XRN2: variants seen among roughly 807,000 people sequenced by gnomAD.
The protein encoded by XRN2 is 5'-3' exoribonuclease 2.
In XRN2, 44 loss-of-function variants were observed where a neutral mutation model predicts 138.5. The observed-to-expected ratio is 0.32, with a 90% CI of 0.25 to 0.41. The LOEUF is 0.41. XRN2 is among the 10% of genes least tolerant of loss of function. The pLI is 1.00. For missense variants in XRN2, 937 were observed against 1,169.3 expected (o/e 0.80, Z 2.90); for synonymous variants, 354 against 369.4 (o/e 0.96, Z 0.48).
chr20:21,324,706 T>A (rs2038099145), intron 1 of XRN2, among the ~76,000 whole-genome samples: 1 of 152,190 alleles, frequency 6.6e-6, no homozygotes, highest in Non-Finnish European at 1.5e-5. Flanking sequence ...TGATCATAGC[T>A]CACGGCAGCC....
At chr20:21,308,276 C>G (rs150619128) in intron 1 of XRN2, among the ~76,000 whole-genome samples, 13 of 152,146 alleles carry the variant, frequency 8.5e-5, no homozygotes, top group Non-Finnish European at 1.6e-4. Flanking sequence ...GGGATTGTTT[C>G]CAGTTTTTGG....
intron 20 of XRN2, among the ~76,000 whole-genome samples, chr20:21,352,325 T>C (rs2038519777): frequency 6.6e-6 from 1 of 152,170 alleles, no homozygotes; most frequent in East Asian, 1.9e-4. Flanking sequence ...ATCAACATTA[T>C]ATGTAATTTT....
intron 1 of XRN2, among the ~76,000 whole-genome samples, chr20:21,320,368 C>T (rs568512561): frequency 6.0e-5 from 9 of 150,444 alleles, no homozygotes; most frequent in South Asian, 4.2e-4. Flanking sequence ...GGCACGATCT[C>T]GGCTTACTGC....
chr20:21,308,736 A>G (rs2037837714), intron 1 of XRN2, among the ~76,000 whole-genome samples: 1 of 152,214 alleles, frequency 6.6e-6, no homozygotes. Context: ...AGTTTGATAT[A>G]TCTTTTGCAA....
intron 27 of XRN2, 57 bp downstream of exon 27, chr20:21,368,647 T>C (rs2038729880): frequency 6.3e-7 from 1 of 1,597,134 alleles, no homozygotes; most frequent in African/African-American, 1.3e-5. Context: ...CAGCAAATGT[T>C]GGTTTCTAAT....
chr20:21,361,441 G>A (rs1255348464), intron 24 of XRN2, among the ~76,000 whole-genome samples: 3 of 152,166 alleles, frequency 2.0e-5, no homozygotes, highest in African/African-American at 7.2e-5. Context: ...TGAAAATACT[G>A]TTGTTTAAAA....
rs201413659 is a variant in XRN2, at chr20:21,349,465, A to G, written c.1936+4A>G. ...GGGAAGAAATATGCATGGCAAGGTAAAATTTAGACGTTCTTTTCTGGTAAA... is the reference window on the plus strand; with the variant it reads ...GGGAAGAAATATGCATGGCAAGGTAGAATTTAGACGTTCTTTTCTGGTAAA... On this transcript the variant is annotated splice_donor_region_variant and intron_variant, in intron 20 of 29. Transcript: ENST00000377191. The G allele has an allele frequency of 1.9e-6, 3 of 1,593,718 alleles. No individual in the cohort carries two copies. In the South Asian group the frequency reaches 3.3e-5, roughly 18 times the overall value.
In XRN2 at chr20:21,333,019, G is replaced by C. The variant is rs140632060; in HGVS notation, c.859-525G>C. ...GCCTCTTGAGTCATATGCTTTTTGA[G>C]GGGGGAAAAAGAATATGGTGCCTCT... On this transcript the variant is annotated intron_variant, in intron 9 of 29. Coordinates refer to ENST00000377191, the MANE Select transcript of XRN2 (RefSeq NM_012255.5). Among the ~76,000 whole-genome samples, 880 of 152,154 alleles carry C rather than the reference G, an allele frequency of 5.8e-3. 4 individuals are homozygous for C. The highest frequency in any genetic ancestry group is 9.5e-3 in the Non-Finnish European group (647 of 67,988).
At chr20:21,382,147 T>A in intron 28 of XRN2, 90 bp downstream of exon 28, 1 of 1,109,198 alleles carries the variant, frequency 9.0e-7, no homozygotes, top group Non-Finnish European at 1.3e-6. Context: ...ACCTCTGTGG[T>A]TTGAAATGTA....
At chr20:21,367,137 AAT>A (rs1379827246) in intron 26 of XRN2, among the ~76,000 whole-genome samples, 1 of 152,098 alleles carries the variant, frequency 6.6e-6, no homozygotes, top group Admixed American at 6.6e-5. Flanking sequence ...ATTATCTTTT[AAT>A]ATGTTTATTA....
intron 4 of XRN2, among the ~76,000 whole-genome samples, chr20:21,330,178 G>A (rs2038186949): frequency 6.6e-6 from 1 of 152,088 alleles, no homozygotes; most frequent in South Asian, 2.1e-4. Flanking sequence ...AGCTTCTCAG[G>A]AGGCTGAGAC....
At chr20:21,312,452 T>C (rs865838293) in intron 1 of XRN2, among the ~76,000 whole-genome samples, 2 of 152,154 alleles carry the variant, frequency 1.3e-5, no homozygotes, top group African/African-American at 4.8e-5. Flanking sequence ...AAGAACTCTT[T>C]ACTGATTCAG....
intron 1 of XRN2, among the ~76,000 whole-genome samples, chr20:21,313,250 A>G (rs2037908714): frequency 6.6e-6 from 1 of 152,204 alleles, no homozygotes; most frequent in Non-Finnish European, 1.5e-5. Context: ...ACACTACGCT[A>G]CACTGTGCTG....
chr20:21,308,250 A>G (rs1050207767), intron 1 of XRN2, among the ~76,000 whole-genome samples: 2 of 152,116 alleles, frequency 1.3e-5, no homozygotes, highest in Admixed American at 1.3e-4. Context: ...ATTTATTCAG[A>G]TGATTGATGA....
At chr20:21,338,156 T>A (rs765751625) in intron 13 of XRN2, among the ~76,000 whole-genome samples, 13 of 152,130 alleles carry the variant, frequency 8.5e-5, no homozygotes, top group Non-Finnish European at 5.9e-5. Context: ...TTTGGAAGTG[T>A]ACCTACTAGG....
chr20:21,334,836 G>T (rs1380771093), intron 13 of XRN2, among the ~76,000 whole-genome samples: 2 of 152,178 alleles, frequency 1.3e-5, no homozygotes, highest in African/African-American at 2.4e-5. Context: ...GTTTCATTTT[G>T]GAGATGTTTA....
intron 27 of XRN2, among the ~76,000 whole-genome samples, chr20:21,374,841 ATGGGTTATC>A (rs2038800613): frequency 6.6e-6 from 1 of 151,784 alleles, no homozygotes; most frequent in East Asian, 1.9e-4. Flanking sequence ...TGTTCTCTGT[ATGGGTTATC>A]GTTAGATTGT....
chr20:21,324,777 G>A (rs895653590), intron 1 of XRN2, among the ~76,000 whole-genome samples: 5 of 152,024 alleles, frequency 3.3e-5, no homozygotes, highest in East Asian at 1.9e-4. Context: ...GAGACTACCC[G>A]CACATACCAC....
intron 21 of XRN2, 36 bp downstream of exon 21, chr20:21,354,908 G>T (rs776619682): frequency 1.3e-6 from 2 of 1,532,842 alleles, no homozygotes; most frequent in Non-Finnish European, 9.0e-7. Flanking sequence ...ATTGATCTGT[G>T]TAATATACAC....
Sources: allele counts gnomAD v4.1 joint callset (sites outside exome capture counted in the v4.1 genomes callset), GRCh38; gene constraint gnomAD v4.1.1; transcripts MANE v1.5; gene names NCBI Gene and HGNC (gene_info 2026-07-23, HGNC 2026-07-21).